STAU2: variants seen among roughly 807,000 people sequenced by gnomAD.
STAU2 encodes double-stranded RNA-binding protein Staufen homolog 2.
In STAU2, 20 loss-of-function variants were observed where a neutral mutation model predicts 65.9. The ratio of observed to expected loss-of-function variants is 0.30; its 90% CI spans 0.21 to 0.44. The LOEUF (loss-of-function observed/expected upper bound fraction) is 0.44. Ranked by LOEUF, STAU2 falls within the 20% of genes least tolerant of loss-of-function variation. The pLI, the probability that STAU2 is intolerant of heterozygous loss-of-function variation, is 1.00. For synonymous variants in STAU2, 232 were observed against 233.9 expected, an observed-to-expected ratio of 0.99 and a Z score of 0.07; for missense variants, 558 against 683.9, an observed-to-expected ratio of 0.82 and a Z score of 2.05.
In STAU2 at chr8:73,688,633, CAGA is replaced by C. The variant is rs1218880866; in HGVS notation, c.274+18_274+20del. The C allele has an allele frequency of 1.2e-6, 2 of 1,613,510 alleles. No individual in the cohort carries two copies. The highest frequency in any genetic ancestry group is 2.2e-5 in the South Asian group (2 of 91,026). ...AGAACACACATAGCAGACAACATAA[CAGA>C]AGGAGTCACTGCCATACCTGGGTTA... is the stretch of plus-strand genomic sequence containing the variant. On this transcript the variant is annotated intron_variant, in intron 5 of 14. Coordinates refer to ENST00000524300, the MANE Select transcript of STAU2 (RefSeq NM_001164380.2).
chr8:73,434,885 A>G (rs1204538382), intron 13 of STAU2, among the ~76,000 whole-genome samples: 2 of 151,916 alleles, frequency 1.3e-5, no homozygotes, highest in Non-Finnish European at 2.9e-5. Context: ...AAAGCCATTA[A>G]TAACTCCCGC....
At chr8:73,716,492 C>T (rs886505276) in intron 3 of STAU2, among the ~76,000 whole-genome samples, 1 of 152,230 alleles carries the variant, frequency 6.6e-6, no homozygotes, top group Admixed American at 6.5e-5. Flanking sequence ...GTGCCTCCAT[C>T]TCCAACTTTT....
At chr8:73,527,130 C>T (rs371441118) in intron 13 of STAU2, among the ~76,000 whole-genome samples, 81 of 152,322 alleles carry the variant, frequency 5.3e-4, no homozygotes, top group African/African-American at 1.9e-3. Flanking sequence ...AAGTAACATG[C>T]TGTACACGTT....
Position 73,720,787 on chromosome 8 carries a change from C to T in STAU2, c.-17-11625G>A, listed in dbSNP as rs1272513160. On this transcript the variant is annotated intron_variant, in intron 3 of 14. Transcript: ENST00000524300. Reference sequence around the variant, plus strand: ...TCGGCCTCCCAAAGTGCTGGGATTACAGGCGTGAGCCACCGCGCCCGGCCT... The same window carrying T: ...TCGGCCTCCCAAAGTGCTGGGATTATAGGCGTGAGCCACCGCGCCCGGCCT... 4.0e-5 allele frequency among the ~76,000 whole-genome samples: 6 copies of T among 150,028 alleles called. 1 individual carries two copies. The highest frequency in any genetic ancestry group is 3.2e-3 in the Middle Eastern group (1 of 316).
intron 11 of STAU2, among the ~76,000 whole-genome samples, chr8:73,583,678 A>T (rs1267380968): frequency 1.3e-5 from 2 of 152,128 alleles, no homozygotes; most frequent in Non-Finnish European, 2.9e-5. Flanking sequence ...AAAAAATAAA[A>T]AAATGACATA....
chr8:73,513,583 C>T (rs1010464134), intron 13 of STAU2, among the ~76,000 whole-genome samples: 3 of 152,194 alleles, frequency 2.0e-5, no homozygotes, highest in East Asian at 1.9e-4. Flanking sequence ...ATATCTCCTG[C>T]TTGTGTTTGA....
chr8:73,723,434 C>T (rs1359538392), intron 3 of STAU2, among the ~76,000 whole-genome samples: 1 of 152,130 alleles, frequency 6.6e-6, no homozygotes, highest in Non-Finnish European at 1.5e-5. Flanking sequence ...AGATTTATGG[C>T]TTAAGTCTAA....
chr8:73,429,974 C>T (rs1474842695), intron 13 of STAU2, among the ~76,000 whole-genome samples: 7 of 152,118 alleles, frequency 4.6e-5, no homozygotes, highest in Non-Finnish European at 8.8e-5. Context: ...GGTTGACTTC[C>T]GAGGCTTCGC....
At chr8:73,561,145 T>C (rs1808195922) in intron 12 of STAU2, among the ~76,000 whole-genome samples, 1 of 152,270 alleles carries the variant, frequency 6.6e-6, no homozygotes, top group South Asian at 2.1e-4. Context: ...GGCCCCTAAA[T>C]AGTTTGAAAT....
chr8:73,593,471 T>A (rs1810967329), intron 11 of STAU2, among the ~76,000 whole-genome samples: 1 of 152,200 alleles, frequency 6.6e-6, no homozygotes, highest in Non-Finnish European at 1.5e-5. Context: ...CTCAGTCATC[T>A]TATTAAAATC....
At chr8:73,669,636 AT>A (rs397891143) in intron 6 of STAU2, among the ~76,000 whole-genome samples, 2 of 82,192 alleles carry the variant, frequency 2.4e-5, no homozygotes, top group South Asian at 5.2e-4. Context: ...TGAGCCTGGA[AT>A]TCTCTCTCTC....
chr8:73,512,419 C>T (rs1293884386), intron 13 of STAU2, among the ~76,000 whole-genome samples: 1 of 152,244 alleles, frequency 6.6e-6, no homozygotes, highest in East Asian at 1.9e-4. Context: ...TCTTTAATTT[C>T]TTTTAGCAAT....
rs558099500 is a variant in STAU2 at position 73,422,809 on chromosome 8, AT to A, written c.1531-108del. 1,902 of 754,114 alleles carry A rather than the reference AT, an allele frequency of 2.5e-3. 7 individuals are homozygous for A. Among genetic ancestry groups the A allele is most frequent in the African/African-American group, 0.015 (781 of 53,512 alleles). The allele number at this position is 754,114 out of a possible 1,614,324, so 46.7% of individuals were successfully genotyped here. The stretch of plus-strand genomic sequence containing the variant: ...AGACTCATTTTCATTAGTCTACATA[AT>A]TTTTTTTTGCATTGTTTAACAAAAG... On this transcript the variant is annotated intron_variant, in intron 13 of 14. Coordinates refer to ENST00000524300, the MANE Select transcript of STAU2 (RefSeq NM_001164380.2).
chr8:73,627,223 AGG>A (rs143058122), intron 6 of STAU2, among the ~76,000 whole-genome samples: 1,179 of 3,296 alleles, frequency 0.36, 285 homozygotes, highest in African/African-American at 0.54. Context: ...GGGGGGGGGG[AGG>A]GGGGGGCAGG....
chr8:73,424,420 C>T (rs1186502194), intron 13 of STAU2, among the ~76,000 whole-genome samples: 4 of 152,066 alleles, frequency 2.6e-5, no homozygotes, highest in East Asian at 1.9e-4. Context: ...AGGCTGGTCT[C>T]GAACTCCTGA....
At chr8:73,555,897 A>G (rs1807718359) in intron 12 of STAU2, among the ~76,000 whole-genome samples, 1 of 152,158 alleles carries the variant, frequency 6.6e-6, no homozygotes, top group East Asian at 1.9e-4. Context: ...CAAATTCTCT[A>G]CATTAACATG....
intron 12 of STAU2, among the ~76,000 whole-genome samples, chr8:73,572,443 C>CA (rs1809176516): frequency 6.6e-6 from 1 of 151,918 alleles, no homozygotes; most frequent in African/African-American, 2.4e-5. Flanking sequence ...AGAGATACAA[C>CA]AAAAAAAGAG....
At chr8:73,638,349 C>T (rs1814703717) in intron 6 of STAU2, among the ~76,000 whole-genome samples, 1 of 151,796 alleles carries the variant, frequency 6.6e-6, no homozygotes, top group South Asian at 2.1e-4. Context: ...ACTGACTCCT[C>T]TCCCTTTTTC....
At chr8:73,620,975 ATACT>A (rs982595208) in intron 6 of STAU2, among the ~76,000 whole-genome samples, 34 of 152,338 alleles carry the variant, frequency 2.2e-4, no homozygotes, top group African/African-American at 6.7e-4. Context: ...TGGTCTCAAA[ATACT>A]TACTTCCTTT....
Sources: allele counts gnomAD v4.1 joint callset (sites outside exome capture counted in the v4.1 genomes callset), GRCh38; gene constraint gnomAD v4.1.1; transcripts MANE v1.5; gene names NCBI Gene and HGNC (gene_info 2026-07-23, HGNC 2026-07-21).